SIPA1L3: variants seen among roughly 807,000 people sequenced by gnomAD.
The protein encoded by SIPA1L3 is signal induced proliferation associated 1 like 3.
SIPA1L3 carries 59 observed loss-of-function variants against 150.1 expected under a neutral mutation model. The ratio of observed to expected loss-of-function variants is 0.39; its 90% confidence interval spans 0.32 to 0.49. The LOEUF (loss-of-function observed/expected upper bound fraction) is 0.49. Ranked by LOEUF, SIPA1L3 falls within the 20% of genes least tolerant of loss-of-function variation. SIPA1L3 has a pLI of 0.86. For missense variants in SIPA1L3, 2,211 were observed against 2,489.5 expected, an observed-to-expected ratio of 0.89 and a Z score of 2.38; for synonymous variants, 1,070 against 1,077.6, an observed-to-expected ratio of 0.99 and a Z score of 0.14.
intron 21 of SIPA1L3, among the ~76,000 whole-genome samples, chr19:38,205,025 C>T (rs1973176473): frequency 3.3e-5 from 5 of 152,164 alleles, no homozygotes; most frequent in Non-Finnish European, 7.3e-5. Context: ...AGTCCAGTAA[C>T]TTACATAAAA....
chr19:38,151,943 C>T (rs558493904), intron 12 of SIPA1L3, among the ~76,000 whole-genome samples: 19 of 117,934 alleles, frequency 1.6e-4, no homozygotes, highest in African/African-American at 6.2e-4. Flanking sequence ...GCCTGGTTGA[C>T]AGAGCAAGAC....
At chr19:38,132,052 C>G (rs907837834) in intron 10 of SIPA1L3, among the ~76,000 whole-genome samples, 1 of 151,432 alleles carries the variant, frequency 6.6e-6, no homozygotes, top group African/African-American at 2.4e-5. Context: ...CTGGCCAACA[C>G]AGTGAGACCC....
intron 6 of SIPA1L3, among the ~76,000 whole-genome samples, chr19:38,101,914 G>T (rs894433841): frequency 6.6e-6 from 1 of 152,220 alleles, no homozygotes; most frequent in Non-Finnish European, 1.5e-5. Context: ...TCACCCAGAG[G>T]AGATGAACTG....
In SIPA1L3 at chr19:38,081,348, C is replaced by G; in HGVS notation, c.-218C>G. On this transcript the variant is annotated 5_prime_UTR_variant, in exon 3 of 22. Transcript: ENST00000222345. ...TACTGAGCCACTCGGTCTGGAGCCC[C>G]CAGGACAGCACCTGCTTCCTGAGGT... The G allele has an allele frequency of 1.8e-6, 1 of 549,460 alleles. No individual in the cohort carries two copies. Among genetic ancestry groups the G allele is most frequent in the Non-Finnish European group, 3.2e-6 (1 of 311,580 alleles). 34.0% of individuals were successfully genotyped at this position (549,460 alleles called of 1,614,324 possible).
At chr19:38,073,819 G>A (rs538102631) in intron 2 of SIPA1L3, among the ~76,000 whole-genome samples, 7 of 152,260 alleles carry the variant, frequency 4.6e-5, no homozygotes, top group South Asian at 2.1e-4. Context: ...TAGAAACCTC[G>A]CACGGAGTCC....
intron 12 of SIPA1L3, among the ~76,000 whole-genome samples, chr19:38,150,232 G>T (rs552616108): frequency 1.3e-5 from 2 of 152,252 alleles, no homozygotes; most frequent in East Asian, 3.9e-4. Flanking sequence ...TCTGGTTGAG[G>T]GCAGGGAGGA....
At chr19:37,967,471 C>T (rs888799464) in intron 1 of SIPA1L3, among the ~76,000 whole-genome samples, 3 of 152,122 alleles carry the variant, frequency 2.0e-5, no homozygotes, top group Non-Finnish European at 4.4e-5. Flanking sequence ...CCAGGCTGAT[C>T]TTGAACTCCT....
intron 2 of SIPA1L3, among the ~76,000 whole-genome samples, chr19:38,051,768 T>A (rs1969201865): frequency 6.6e-6 from 1 of 152,152 alleles, no homozygotes; most frequent in Non-Finnish European, 1.5e-5. Context: ...GCTAACTTTT[T>A]AATTTTTTTG....
chr19:38,197,258 G>T (rs1414922933), intron 18 of SIPA1L3, among the ~76,000 whole-genome samples: 1 of 152,106 alleles, frequency 6.6e-6, no homozygotes, highest in Non-Finnish European at 1.5e-5. Flanking sequence ...GGGCCCTGAG[G>T]TGTGTCTTCT....
rs2046811654 is a variant in SIPA1L3 at position 37,956,477 on chromosome 19, T to TA, written c.-379+49123dup. On this transcript the variant is annotated intron_variant, in intron 1 of 21. Coordinates refer to ENST00000222345, the MANE Select transcript of SIPA1L3 (RefSeq NM_015073.3). ...TTTTTTAGTCATGCCTTTGGAAGTA[T>TA]AAAAGTTTTGTTTTTTTTTTTTTTT... 1.4e-5 allele frequency among the ~76,000 whole-genome samples: 2 copies of TA among 141,066 alleles called. 1 individual carries two copies. The highest frequency in any genetic ancestry group is 5.4e-5 in the African/African-American group (2 of 37,194). The allele number at this position is 141,066 out of a possible 152,430, so 92.5% of individuals were successfully genotyped here. A position where few individuals can be genotyped will look rare whatever the true frequency, so the allele number is the denominator to read the frequency against.
chr19:38,106,400 C>A, intron 6 of SIPA1L3, 137 bp from the exon 7 acceptor site: 1 of 707,958 alleles, frequency 1.4e-6, no homozygotes. Context: ...AACCACCAGG[C>A]CTGGCCAGTG....
chr19:37,963,171 T>G (rs1429006240), intron 1 of SIPA1L3, among the ~76,000 whole-genome samples: 1 of 152,118 alleles, frequency 6.6e-6, no homozygotes, highest in African/African-American at 2.4e-5. Flanking sequence ...TCCAAGCAGT[T>G]CCTGAGTCGG....
intron 2 of SIPA1L3, among the ~76,000 whole-genome samples, chr19:38,056,576 T>C (rs1177756402): frequency 6.6e-6 from 1 of 152,228 alleles, no homozygotes; most frequent in African/African-American, 2.4e-5. Context: ...TTAAGTGCAT[T>C]TAATTAATGT....
chr19:37,968,729 G>A (rs1258195940), intron 1 of SIPA1L3, among the ~76,000 whole-genome samples: 1 of 152,254 alleles, frequency 6.6e-6, no homozygotes, highest in Non-Finnish European at 1.5e-5. Flanking sequence ...TCCTCTGATA[G>A]TTATGATTGC....
At chr19:38,057,206 C>T (rs1380370472) in intron 2 of SIPA1L3, among the ~76,000 whole-genome samples, 1 of 151,746 alleles carries the variant, frequency 6.6e-6, no homozygotes, top group Admixed American at 6.6e-5. Flanking sequence ...AGGAAGCGGA[C>T]GTTGCAGTGA....
chr19:38,085,545 G>T (rs1162905644), intron 3 of SIPA1L3, among the ~76,000 whole-genome samples: 1 of 151,788 alleles, frequency 6.6e-6, no homozygotes, highest in African/African-American at 2.4e-5. Context: ...ATGAGGCAAT[G>T]TCAGTATCAC....
chr19:38,056,111 T>G (rs1436508932), intron 2 of SIPA1L3, among the ~76,000 whole-genome samples: 1 of 152,206 alleles, frequency 6.6e-6, no homozygotes, highest in Non-Finnish European at 1.5e-5. Context: ...ACCCACCAGG[T>G]ACCCGGCTGA....
chr19:38,013,193 T>G (rs1203866285), intron 1 of SIPA1L3, among the ~76,000 whole-genome samples: 1 of 152,208 alleles, frequency 6.6e-6, no homozygotes, highest in Non-Finnish European at 1.5e-5. Flanking sequence ...TTAGCATCTC[T>G]GAGAGTTTGC....
At chr19:38,109,627 T>C (rs1189943754) in intron 7 of SIPA1L3, 1 of 152,634 alleles carries the variant, frequency 6.6e-6, no homozygotes, top group African/African-American at 2.4e-5. Context: ...TTGAGCAAGT[T>C]GAAGACCACC....
Sources: allele counts gnomAD v4.1 joint callset (sites outside exome capture counted in the v4.1 genomes callset), GRCh38; gene constraint gnomAD v4.1.1; transcripts MANE v1.5; gene names NCBI Gene and HGNC (gene_info 2026-07-23, HGNC 2026-07-21).